The following HGSNAT variants were observed in gnomAD, a reference collection of about 807,000 sequenced individuals.
HGSNAT encodes heparan-alpha-glucosaminide N-acetyltransferase, also known as transmembrane protein 76.
In HGSNAT, 59 loss-of-function variants were observed where a neutral mutation model predicts 85.2. That is an observed-to-expected ratio of 0.69 (90% confidence interval 0.56 to 0.86). The LOEUF is 0.86. HGSNAT is among the 40% of genes least tolerant of loss of function. The probability of loss-of-function intolerance (pLI) is 0.00; values close to 1 mark genes in which losing one functional copy is unlikely to be tolerated. For missense variants in HGSNAT, 756 were observed against 777.1 expected (o/e 0.97, Z 0.32); for synonymous variants, 321 against 304.5 (o/e 1.05, Z -0.56).
At position 43,177,480 on chromosome 8, in the gene HGSNAT, C is replaced by A. The variant is rs541869288; in HGVS notation, c.852-594C>A. Reference sequence around the variant, plus strand: ...GGCTGAGGTGGGAGAATGGCGTGAACCCAGGAGGCGGAGCTTGCAGTGAGC... The same window carrying A: ...GGCTGAGGTGGGAGAATGGCGTGAAACCAGGAGGCGGAGCTTGCAGTGAGC... On this transcript the variant is annotated intron_variant, in intron 9 of 17. Transcript: ENST00000379644. 2.7e-5 allele frequency among the ~76,000 whole-genome samples: 4 copies of A among 147,970 alleles called. No homozygotes were observed. The East Asian group carries it at 6.0e-4, about 22-fold the overall frequency.
At chr8:43,146,231 C>T (rs1802706561) in intron 1 of HGSNAT, among the ~76,000 whole-genome samples, 1 of 152,114 alleles carries the variant, frequency 6.6e-6, no homozygotes, top group Non-Finnish European at 1.5e-5. Context: ...TTAAAACTGT[C>T]TGCTTACCCC....
chr8:43,193,854 A>G lies in HGSNAT; in HGVS notation c.1464+11A>G, dbSNP rs573124827. 6 of 1,611,818 alleles carry G rather than the reference A, an allele frequency of 3.7e-6. No homozygotes were observed. The highest frequency in any genetic ancestry group is 5.1e-6 in the Non-Finnish European group (6 of 1,178,160). On this transcript the variant is annotated intron_variant, in intron 14 of 17. Transcript: ENST00000379644. ...TTTTTAGGAGTTCAGGTATTTGTTC[A>G]TTTCATTAGGTTACTTTTTCTGACA...
At chr8:43,184,731 T>C (rs1283692345) in intron 11 of HGSNAT, among the ~76,000 whole-genome samples, 1 of 152,360 alleles carries the variant, frequency 6.6e-6, no homozygotes, top group Non-Finnish European at 1.5e-5. Context: ...TCCTGAATGG[T>C]ATTGCCTAGG....
intron 4 of HGSNAT, among the ~76,000 whole-genome samples, 186 bp from the exon 5 acceptor site, chr8:43,161,252 T>C (rs1368950758): frequency 6.6e-6 from 1 of 152,192 alleles, no homozygotes; most frequent in Admixed American, 6.5e-5. Flanking sequence ...TCTGTGCTTT[T>C]GTTTATGTTT....
chr8:43,192,376 C>A lies in HGSNAT; in HGVS notation c.1323C>A (p.Tyr441Ter), dbSNP rs1804568176. ...ATTGCACTGGAGGAGCTGCAGGCTA[C>A]ATCGACCGCCTGCTGCTGGGAGACG... The part of the protein sequence containing the change: ...YPNCTGGAAG[Y>*]IDRLLLGDDH... The change falls in exon 13 of 18, where the codon TAC becomes TAA. Residue 441 changes from tyrosine to a stop codon, truncating the protein, a stop_gained. Transcript: ENST00000379644. LOFTEE classifies it high-confidence loss of function. The A allele has an allele frequency of 6.2e-7, 1 of 1,612,992 alleles. No individual in the cohort carries two copies. The highest frequency in any genetic ancestry group is 1.1e-5 in the South Asian group (1 of 90,866).
At chr8:43,151,445 C>T (rs61255836) in intron 2 of HGSNAT, among the ~76,000 whole-genome samples, 4,815 of 152,248 alleles carry the variant, frequency 0.032, 257 homozygotes, top group African/African-American at 0.11. Flanking sequence ...GAGACCTCTC[C>T]ACGTGTCAGT....
chr8:43,170,942 C>G lies in HGSNAT; in HGVS notation c.743+248C>G, dbSNP rs116764527. Among the ~76,000 whole-genome samples the G allele has an allele frequency of 4.4e-3, 670 of 152,316 alleles. 9 individuals carry two copies. Among genetic ancestry groups the G allele is most frequent in the African/African-American group, 0.015 (641 of 41,576 alleles). ...GCCAGTGTCCACTTGGATACGTGGT[C>G]TGCTGAGTGAAGGGCATTTTTATTT... On this transcript the variant is annotated intron_variant, in intron 7 of 17. Coordinates refer to ENST00000379644, the MANE Select transcript of HGSNAT (RefSeq NM_152419.3).
In HGSNAT at chr8:43,169,206, C is replaced by G; in HGVS notation, c.597C>G (p.Ala199=). 6.3e-7 allele frequency: 1 copy of G among 1,583,498 alleles called. No homozygotes were observed. Among genetic ancestry groups the G allele is most frequent in the South Asian group, 1.2e-5 (1 of 85,490 alleles). The change falls in exon 6 of 18, where the codon GCC becomes GCG. Residue 199 remains alanine, a synonymous_variant. Coordinates refer to ENST00000379644, the MANE Select transcript of HGSNAT (RefSeq NM_152419.3). ...LDDFNNWISK[A]ISSRETDRLI... ...ACTTTAACAATTGGATTTCTAAAGC[C>G]ATAAGTTCTCGAGAAACTGATCGCC...
At chr8:43,196,101 G>T in intron 14 of HGSNAT, 1 of 280,804 alleles carries the variant, frequency 3.6e-6, no homozygotes. Context: ...CTGGGTTTGT[G>T]TCCAGCTCTG....
chr8:43,164,596 A>G (rs1803371724), intron 5 of HGSNAT, among the ~76,000 whole-genome samples: 1 of 152,162 alleles, frequency 6.6e-6, no homozygotes, highest in South Asian at 2.1e-4. Flanking sequence ...CCTGGCCAAC[A>G]TGGTGAAACC....
intron 2 of HGSNAT, among the ~76,000 whole-genome samples, chr8:43,147,840 C>T (rs377694535): frequency 1.3e-5 from 2 of 152,146 alleles, no homozygotes; most frequent in African/African-American, 4.8e-5. Context: ...GTACTGTGCT[C>T]ACCACCTGGG....
intron 2 of HGSNAT, among the ~76,000 whole-genome samples, chr8:43,157,649 G>A (rs1397975173): frequency 5.3e-5 from 8 of 151,982 alleles, no homozygotes; most frequent in African/African-American, 9.7e-5. Flanking sequence ...GTAGTGATGC[G>A]TGCCTGTGGT....
intron 2 of HGSNAT, among the ~76,000 whole-genome samples, chr8:43,151,569 CAA>C (rs1413043429): frequency 8.6e-5 from 13 of 152,040 alleles, no homozygotes; most frequent in Admixed American, 2.6e-4. Context: ...TATGTTAAGT[CAA>C]AAGAGACTGG....
chr8:43,200,459 T>C lies in HGSNAT; in HGVS notation c.*890T>C, dbSNP rs1182476266. 6.6e-6 allele frequency: 1 copy of C among 152,206 alleles called. No homozygotes were observed. The highest frequency in any genetic ancestry group is 1.5e-5 in the Non-Finnish European group (1 of 68,042). The allele number at this position is 152,206 out of a possible 1,614,324, so 9.4% of individuals were successfully genotyped here. On this transcript the variant is annotated 3_prime_UTR_variant, in exon 18 of 18. Coordinates refer to ENST00000379644, the MANE Select transcript of HGSNAT (RefSeq NM_152419.3). ...CTTCCACCTCTTAGACATGGTGAGGTAACAGACATCAAAAGCTTTTCTGAA... is the reference window on the plus strand; with the variant it reads ...CTTCCACCTCTTAGACATGGTGAGGCAACAGACATCAAAAGCTTTTCTGAA...
intron 1 of HGSNAT, among the ~76,000 whole-genome samples, chr8:43,141,403 C>T (rs1802536139): frequency 6.6e-6 from 1 of 152,124 alleles, no homozygotes; most frequent in Admixed American, 6.5e-5. Context: ...CAGCTCATAC[C>T]GTGATTGCAC....
intron 9 of HGSNAT, among the ~76,000 whole-genome samples, chr8:43,174,924 C>G (rs971520835): frequency 6.6e-6 from 1 of 152,144 alleles, no homozygotes; most frequent in Non-Finnish European, 1.5e-5. Flanking sequence ...CCCCACTACC[C>G]TTCCCTTCTG....
intron 2 of HGSNAT, among the ~76,000 whole-genome samples, chr8:43,156,815 CT>C (rs980982045): frequency 6.6e-6 from 1 of 152,000 alleles, no homozygotes; most frequent in African/African-American, 2.4e-5. Flanking sequence ...AAGTCTATGT[CT>C]TTTGTATTAG....
At chr8:43,193,664 G>A in intron 13 of HGSNAT, 93 bp from the exon 14 acceptor site, 1 of 764,074 alleles carries the variant, frequency 1.3e-6, no homozygotes, top group African/African-American at 1.7e-5. Flanking sequence ...ATGACATACT[G>A]GAGTGTATTC....
At chr8:43,141,823 T>G (rs958131217) in intron 1 of HGSNAT, among the ~76,000 whole-genome samples, 2 of 152,174 alleles carry the variant, frequency 1.3e-5, no homozygotes, top group African/African-American at 4.8e-5. Context: ...TTATGTAATC[T>G]GCCTGATCAC....
Sources: allele counts gnomAD v4.1 joint callset (sites outside exome capture counted in the v4.1 genomes callset), GRCh38; gene constraint gnomAD v4.1.1; transcripts MANE v1.5; gene names NCBI Gene and HGNC (gene_info 2026-07-23, HGNC 2026-07-21).